PIK3R5: variants seen among roughly 807,000 people sequenced by gnomAD.
PIK3R5 encodes the protein phosphoinositide-3-kinase regulatory subunit 5.
PIK3R5 carries 32 observed loss-of-function variants against 94.9 expected under a neutral mutation model. That is an observed-to-expected ratio of 0.34 (90% CI 0.25 to 0.45). The LOEUF (loss-of-function observed/expected upper bound fraction) is 0.45. PIK3R5 is among the 20% of genes least tolerant of loss of function. The probability of loss-of-function intolerance (pLI) is 1.00; values close to 1 mark genes in which losing one functional copy is unlikely to be tolerated. For synonymous variants in PIK3R5, 443 were observed against 479.4 expected, an observed-to-expected ratio of 0.92 and a Z score of 0.99; for missense variants, 853 against 1,144.6, an observed-to-expected ratio of 0.75 and a Z score of 3.68.
Position 8,888,701 on chromosome 17 carries a change from T to C in PIK3R5, c.1086A>G (p.Ala362=), listed in dbSNP as rs1002085489. ...GGGCCGGCCCCGAGGCCTGGGAGGA[T>C]GCAAGGGACAAGGTGGAGTCATGGG... is the stretch of plus-strand genomic sequence containing the variant. The part of the protein sequence containing the change: ...LASHDSTLSL[A]SSQASGPALS... The change falls in exon 10 of 19, where the codon GCA becomes GCG. Residue 362 remains alanine (A), a synonymous_variant. Coordinates refer to ENST00000447110, the MANE Select transcript of PIK3R5 (RefSeq NM_001142633.3). This position sits in a 1 kb window ranked among gnomAD's most constrained non-coding sequence, Gnocchi z 7.8. 6.2e-7 allele frequency: 1 copy of C among 1,613,772 alleles called. No individual in the cohort carries two copies. Among genetic ancestry groups the C allele is most frequent in the African/African-American group, 1.3e-5 (1 of 74,936 alleles).
chr17:8,911,194 G>A lies in PIK3R5; in HGVS notation c.103+198C>T, dbSNP rs1210550989. Among the ~76,000 whole-genome samples, 2 of 152,204 alleles carry A rather than the reference G, an allele frequency of 1.3e-5. No homozygotes were observed. The highest frequency in any genetic ancestry group is 2.9e-5 in the Non-Finnish European group (2 of 68,024). ...GAGGAAGATGCCGTGGGAGAAGGGA[G>A]AAAGTGCCAGACACTGAGGTCTGAC... On this transcript the variant is annotated intron_variant, in intron 2 of 18. Transcript: ENST00000447110. This position sits in a 1 kb window ranked among gnomAD's most constrained non-coding sequence, Gnocchi z 5.3.
intron 14 of PIK3R5, among the ~76,000 whole-genome samples, chr17:8,885,437 C>T (rs2089801948): frequency 7.2e-6 from 1 of 139,650 alleles, no homozygotes; most frequent in African/African-American, 3.1e-5. Flanking sequence ...CATGGCCTCG[C>T]CTCCTGGGTA....
At chr17:8,907,973 G>A (rs1271369009) in intron 3 of PIK3R5, among the ~76,000 whole-genome samples, 4 of 152,198 alleles carry the variant, frequency 2.6e-5, no homozygotes, top group Non-Finnish European at 5.9e-5. Context: ...GTTAGGCAAA[G>A]TTTGTCTCAT....
At chr17:8,937,038 T>C (rs926176414) in intron 1 of PIK3R5, among the ~76,000 whole-genome samples, 1 of 152,228 alleles carries the variant, frequency 6.6e-6, no homozygotes, top group African/African-American at 2.4e-5. Flanking sequence ...GTATTTTTAA[T>C]TCAAATTCCA....
intron 1 of PIK3R5, among the ~76,000 whole-genome samples, chr17:8,963,164 G>A (rs1055892214): frequency 6.6e-6 from 1 of 152,210 alleles, no homozygotes; most frequent in Non-Finnish European, 1.5e-5. Context: ...TTAACACATT[G>A]GTTCAGGCTT....
Position 8,887,562 on chromosome 17 carries a change from G to A in PIK3R5, c.1738C>T (p.Pro580Ser). The A allele has an allele frequency of 6.2e-7, 1 of 1,608,538 alleles. No individual in the cohort carries two copies. Among genetic ancestry groups the A allele is most frequent in the Non-Finnish European group, 8.5e-7 (1 of 1,177,750 alleles). Reference sequence around the variant, plus strand: ...CTAGGGGAGTCTGTCGGGGGTGAGGGCGTCTGGCTCCGAGGGGGTGGACAG... The same window carrying A: ...CTAGGGGAGTCTGTCGGGGGTGAGGACGTCTGGCTCCGAGGGGGTGGACAG... Reference protein sequence around the residue: ...GACPPPRSQTPSPPTDSPRHA... With the variant: ...GACPPPRSQTSSPPTDSPRHA... The change falls in exon 11 of 19, where the codon CCC becomes TCC. Residue 580 changes from proline (P) to serine (S), a missense_variant. Pro to Ser is a moderately conservative substitution (Grantham distance 74). Transcript: ENST00000447110.
Position 8,911,403 on chromosome 17 carries a change from G to A in PIK3R5, c.92C>T (p.Thr31Ile), listed in dbSNP as rs1228006188. ...TCCCTTGGACCGACCTGACCAGGAG[G>A]TGGAGCGGCGGCTGAGGCTGAGTCC... ...LHGLSLSRRS[T>I]SWSAGLCLNC... is the part of the protein sequence containing the mutation. The change falls in exon 2 of 19, where the codon ACC becomes ATC. Residue 31 changes from threonine to isoleucine, a missense_variant. Transcript: ENST00000447110. The surrounding 1 kb of genome is among the most constrained non-coding windows in gnomAD (Gnocchi z 5.3). The A allele has an allele frequency of 3.8e-6, 6 of 1,599,728 alleles. No individual in the cohort carries two copies. Among genetic ancestry groups the A allele is most frequent in the Admixed American group, 1.7e-5 (1 of 59,992 alleles).
Position 8,880,991 on chromosome 17 carries a change from G to C in PIK3R5, c.2409C>G (p.Asp803Glu). 1.2e-6 allele frequency: 2 copies of C among 1,614,118 alleles called. No individual in the cohort carries two copies. The highest frequency in any genetic ancestry group is 1.7e-6 in the Non-Finnish European group (2 of 1,179,950). Reference protein sequence around the residue: ...NQISTSQIKVDKVQIIGSNSC... With the variant: ...NQISTSQIKVEKVQIIGSNSC... ...TGTTGGAGCCGATGATCTGCACCTT[G>C]TCCACTTTGATCTGCGATGTGCTAA... is the stretch of plus-strand genomic sequence containing the variant. The change falls in exon 18 of 19, where the codon GAC (aspartate) becomes GAG (glutamate). Residue 803 changes from aspartate to glutamate, a missense_variant. By Grantham distance (45) the Asp-to-Glu change is conservative (BLOSUM62 2). Coordinates refer to ENST00000447110, the MANE Select transcript of PIK3R5 (RefSeq NM_001142633.3).
At chr17:8,920,160 A>G (rs1366883331) in intron 1 of PIK3R5, among the ~76,000 whole-genome samples, 1 of 152,116 alleles carries the variant, frequency 6.6e-6, no homozygotes, top group Non-Finnish European at 1.5e-5. Flanking sequence ...CTGGGATTAC[A>G]GGCGTGAGCC....
At chr17:8,927,311 A>G (rs751082481) in intron 1 of PIK3R5, among the ~76,000 whole-genome samples, 11 of 152,214 alleles carry the variant, frequency 7.2e-5, no homozygotes, top group Non-Finnish European at 1.3e-4. Context: ...TGCCACCTCC[A>G]CCAGCAAAAG....
chr17:8,891,597 CTTTT>C (rs564434517), intron 6 of PIK3R5, among the ~76,000 whole-genome samples: 5 of 140,566 alleles, frequency 3.6e-5, no homozygotes, highest in African/African-American at 5.2e-5. Flanking sequence ...GAACCTTTCT[CTTTT>C]TTTTTTTTTT....
At chr17:8,898,074 A>G (rs1597385808) in intron 5 of PIK3R5, among the ~76,000 whole-genome samples, 1 of 152,168 alleles carries the variant, frequency 6.6e-6, no homozygotes, top group Admixed American at 6.5e-5. Flanking sequence ...TTTCTGGAAC[A>G]CCTGCCTCTA....
chr17:8,900,449 T>C lies in PIK3R5; in HGVS notation c.412+4328A>G, dbSNP rs145007614. Among the ~76,000 whole-genome samples the C allele has an allele frequency of 1.9e-3, 293 of 152,342 alleles. 2 individuals carry two copies. Among genetic ancestry groups the C allele is most frequent in the African/African-American group, 6.8e-3 (282 of 41,582 alleles). On this transcript the variant is annotated intron_variant, in intron 5 of 18. Transcript: ENST00000447110. ...ATTCCCCGAAACGAGGGAGAGTTGA[T>C]GGTTTCCTATTTTGGTTCTGCTTTC...
Position 8,890,135 on chromosome 17 carries a change from C to A in PIK3R5, c.658-9G>T. 3 of 1,613,532 alleles carry A rather than the reference C, an allele frequency of 1.9e-6. No individual in the cohort carries two copies. The highest frequency in any genetic ancestry group is 2.5e-6 in the Non-Finnish European group (3 of 1,179,812). On this transcript the variant is annotated splice_polypyrimidine_tract_variant and intron_variant, in intron 7 of 18. Coordinates refer to ENST00000447110, the MANE Select transcript of PIK3R5 (RefSeq NM_001142633.3). This position sits in a 1 kb window ranked among gnomAD's most constrained non-coding sequence, Gnocchi z 6.1. ...TCTGCCAGGGTCTTGGCCTGAAACC[C>A]CAGGAGGAGATGGGCTTTGCTCCTG...
rs1334003134 is a variant in PIK3R5, at chr17:8,925,589, A to T, written c.-13-14082T>A. Among the ~76,000 whole-genome samples the T allele has an allele frequency of 1.3e-5, 2 of 152,234 alleles. No individual in the cohort carries two copies. The highest frequency in any genetic ancestry group is 2.4e-5 in the African/African-American group (1 of 41,462). ...ATAGAGAAAAAAGGAACACACATGC[A>T]TACAATCCAAACTGAAACCAACACT... is the stretch of plus-strand genomic sequence containing the variant. On this transcript the variant is annotated intron_variant, in intron 1 of 18. Coordinates refer to ENST00000447110, the MANE Select transcript of PIK3R5 (RefSeq NM_001142633.3). The surrounding 1 kb of genome is among the most constrained non-coding windows in gnomAD (Gnocchi z 5.1).
chr17:8,886,059 G>C (rs528680748), intron 14 of PIK3R5, among the ~76,000 whole-genome samples, 170 bp downstream of exon 14: 1 of 147,500 alleles, frequency 6.8e-6, no homozygotes, highest in South Asian at 2.2e-4. Flanking sequence ...GGGTCACCCA[G>C]CCACCCCATG....
At chr17:8,883,842 G>T (rs1166436504) in intron 15 of PIK3R5, among the ~76,000 whole-genome samples, 1 of 152,172 alleles carries the variant, frequency 6.6e-6, no homozygotes, top group Non-Finnish European at 1.5e-5. Flanking sequence ...TCTTAGGAAG[G>T]CTCCAGGGCC....
chr17:8,886,399 T>C (rs1597373874), intron 13 of PIK3R5, 77 bp from the exon 14 acceptor site: 1 of 1,602,534 alleles, frequency 6.2e-7, no homozygotes, highest in Middle Eastern at 1.7e-4. Context: ...ATAGACCTGC[T>C]GGCTCTCCCG....
chr17:8,930,566 C>A (rs1315151428), intron 1 of PIK3R5, among the ~76,000 whole-genome samples: 1 of 152,174 alleles, frequency 6.6e-6, no homozygotes, highest in Non-Finnish European at 1.5e-5. Context: ...AAAACCTGTA[C>A]ATGAATGTTT....
Sources: allele counts gnomAD v4.1 joint callset (sites outside exome capture counted in the v4.1 genomes callset), GRCh38; gene constraint gnomAD v4.1.1; non-coding constraint Gnocchi (gnomAD v3.1); transcripts MANE v1.5; gene names NCBI Gene and HGNC (gene_info 2026-07-23, HGNC 2026-07-21).